Variants in KCNIP4 observed in about 807,000 individuals in gnomAD.
KCNIP4 encodes potassium voltage-gated channel interacting protein 4.
KCNIP4 carries 12 observed loss-of-function variants against 34.0 expected under a neutral mutation model. The ratio of observed to expected loss-of-function variants is 0.35; its 90% CI spans 0.23 to 0.57. The LOEUF is 0.57. Ranked by LOEUF, KCNIP4 falls within the 20% of genes least tolerant of loss-of-function variation. The pLI, the probability that KCNIP4 is intolerant of heterozygous loss-of-function variation, is 0.83. For missense variants in KCNIP4, 238 were observed against 311.7 expected (o/e 0.76, Z 1.78); for synonymous variants, 124 against 102.2 (o/e 1.21, Z -1.29).
intron 1 of KCNIP4, among the ~76,000 whole-genome samples, chr4:21,313,497 A>T (rs574082529): frequency 6.6e-6 from 1 of 152,314 alleles, no homozygotes; most frequent in African/African-American, 2.4e-5. Context: ...ATTAACTTTG[A>T]TTTTAAACAC....
rs1281522395 is a variant in KCNIP4, at chr4:20,859,528, CT to C, written c.164-8862del. Among the ~76,000 whole-genome samples the C allele has an allele frequency of 2.6e-5, 4 of 152,252 alleles. No homozygotes were observed. The East Asian group carries it at 7.7e-4, about 29-fold the overall frequency. ...TGGCTGTGTCTTTTTGTCCTTTGTT[CT>C]TTAGATTTCAGTCTCTCAGGGCTGA... On this transcript the variant is annotated intron_variant, in intron 2 of 8. Transcript: ENST00000382152.
At chr4:21,495,686 G>A (rs1173041281) in intron 1 of KCNIP4, among the ~76,000 whole-genome samples, 1 of 151,806 alleles carries the variant, frequency 6.6e-6, no homozygotes, top group Non-Finnish European at 1.5e-5. Flanking sequence ...TTATCCACGA[G>A]TTCCAGTTTT....
At chr4:20,837,984 C>A (rs1719274586) in intron 3 of KCNIP4, among the ~76,000 whole-genome samples, 1 of 151,850 alleles carries the variant, frequency 6.6e-6, no homozygotes, top group Admixed American at 6.6e-5. Context: ...GACACCACGC[C>A]CGGCCTCAGT....
At position 21,175,004 on chromosome 4, in the gene KCNIP4, G is replaced by A. The variant is rs142849543; in HGVS notation, c.62-292295C>T. 7.1e-3 allele frequency among the ~76,000 whole-genome samples: 1,080 copies of A among 151,462 alleles called. 19 individuals carry two copies. The highest frequency in any genetic ancestry group is 0.025 in the African/African-American group (1,021 of 41,248). On this transcript the variant is annotated intron_variant, in intron 1 of 8. Transcript: ENST00000382152. ...TTTTGTTACTTTTTTTTACAGATAA[G>A]GACACTGCATTGATGAGTCCTTAAG... is the stretch of plus-strand genomic sequence containing the variant.
chr4:20,932,885 G>A (rs1216737626), intron 1 of KCNIP4, among the ~76,000 whole-genome samples: 1 of 152,054 alleles, frequency 6.6e-6, no homozygotes, highest in African/African-American at 2.4e-5. Flanking sequence ...TCAAAATTAT[G>A]TGTTTGCATC....
At chr4:21,443,044 C>T (rs1727625680) in intron 1 of KCNIP4, among the ~76,000 whole-genome samples, 2 of 152,192 alleles carry the variant, frequency 1.3e-5, no homozygotes, top group Admixed American at 1.3e-4. Flanking sequence ...AACCCATATC[C>T]AATTTGTCAC....
chr4:21,514,755 G>A (rs1278126266), intron 1 of KCNIP4, among the ~76,000 whole-genome samples: 1 of 152,152 alleles, frequency 6.6e-6, no homozygotes, highest in African/African-American at 2.4e-5. Context: ...CTCTCAATTA[G>A]ATATTCTCAG....
chr4:20,859,812 T>C (rs925090077), intron 2 of KCNIP4, among the ~76,000 whole-genome samples: 1 of 152,196 alleles, frequency 6.6e-6, no homozygotes, highest in Non-Finnish European at 1.5e-5. Flanking sequence ...AATATGAGCG[T>C]GAGTCCTACC....
At chr4:21,799,636 CA>C (rs1720866306) in intron 1 of KCNIP4, among the ~76,000 whole-genome samples, 2 of 152,216 alleles carry the variant, frequency 1.3e-5, no homozygotes, top group South Asian at 4.2e-4. Flanking sequence ...GTGCCAGGTG[CA>C]AAGGAGTTAC....
intron 1 of KCNIP4, among the ~76,000 whole-genome samples, chr4:21,120,196 G>GA (rs78303504): frequency 0.28 from 42,568 of 150,820 alleles, 6,144 homozygotes; most frequent in Middle Eastern, 0.33. Context: ...TCCTTACGAA[G>GA]AAACAAAAAC....
chr4:20,985,951 C>T (rs1736533525), intron 1 of KCNIP4, among the ~76,000 whole-genome samples: 1 of 152,162 alleles, frequency 6.6e-6, no homozygotes, highest in African/African-American at 2.4e-5. Flanking sequence ...TTGAAGAATA[C>T]ACTCCGTCTC....
At chr4:21,276,095 C>T (rs943180412) in intron 1 of KCNIP4, among the ~76,000 whole-genome samples, 4 of 152,218 alleles carry the variant, frequency 2.6e-5, no homozygotes, top group African/African-American at 9.6e-5. Context: ...CTTCCTCAAG[C>T]AAATGGTGCC....
At chr4:21,001,481 C>G (rs1004102287) in intron 1 of KCNIP4, among the ~76,000 whole-genome samples, 1 of 152,166 alleles carries the variant, frequency 6.6e-6, no homozygotes, top group African/African-American at 2.4e-5. Flanking sequence ...CTGGGCGAGG[C>G]TGAATTGCCC....
At chr4:21,137,354 G>T in intron 1 of KCNIP4, among the ~76,000 whole-genome samples, 1 of 152,144 alleles carries the variant, frequency 6.6e-6, no homozygotes, top group Admixed American at 6.5e-5. Flanking sequence ...CCTTCCAATG[G>T]TTTCCTCGAT....
chr4:20,772,195 T>G (rs568705325), intron 3 of KCNIP4, among the ~76,000 whole-genome samples: 179 of 152,290 alleles, frequency 1.2e-3, no homozygotes, highest in African/African-American at 4.0e-3. Context: ...TTCCTAAGCT[T>G]GAAAGGTGAG....
At chr4:21,624,930 T>G (rs1745225332) in intron 1 of KCNIP4, among the ~76,000 whole-genome samples, 1 of 152,118 alleles carries the variant, frequency 6.6e-6, no homozygotes, top group African/African-American at 2.4e-5. Context: ...AGCTCCAAAG[T>G]TACCTAATTT....
chr4:21,030,124 G>A (rs575931862), intron 1 of KCNIP4, among the ~76,000 whole-genome samples: 2 of 152,256 alleles, frequency 1.3e-5, no homozygotes, highest in Admixed American at 6.5e-5. Flanking sequence ...AGTAGCAGGC[G>A]AGCAAGCAAA....
chr4:21,577,694 G>T (rs1214013139), intron 1 of KCNIP4, among the ~76,000 whole-genome samples: 1 of 152,048 alleles, frequency 6.6e-6, no homozygotes, highest in East Asian at 1.9e-4. Flanking sequence ...TATATTCTTT[G>T]GTGCCTCTAT....
chr4:20,943,545 G>C (rs1577406829), intron 1 of KCNIP4, among the ~76,000 whole-genome samples: 1 of 152,128 alleles, frequency 6.6e-6, no homozygotes, highest in African/African-American at 2.4e-5. Flanking sequence ...ACTATTCTGT[G>C]CACTTTAAAT....
Sources: allele counts gnomAD v4.1 joint callset (sites outside exome capture counted in the v4.1 genomes callset), GRCh38; gene constraint gnomAD v4.1.1; transcripts MANE v1.5; gene names NCBI Gene and HGNC (gene_info 2026-07-23, HGNC 2026-07-21).